KLF12: variants seen among roughly 807,000 people sequenced by gnomAD.
The protein encoded by KLF12 is KLF transcription factor 12.
KLF12 carries 9 observed loss-of-function variants against 37.8 expected under a neutral mutation model. The observed-to-expected ratio is 0.24, with a 90% CI of 0.14 to 0.42. KLF12 has a LOEUF of 0.42. Ranked by LOEUF, KLF12 falls within the 10% of genes least tolerant of loss-of-function variation. The pLI is 1.00. For missense variants in KLF12, 411 were observed against 516.0 expected (o/e 0.80, Z 1.97); for synonymous variants, 208 against 202.1 (o/e 1.03, Z -0.25).
At chr13:74,206,714 C>G in the KLF12 span, among the ~76,000 whole-genome samples, 1 of 152,172 alleles carries the variant, frequency 6.6e-6, no homozygotes, top group African/African-American at 2.4e-5. Flanking sequence ...TTGTCTTTCT[C>G]GCTGCGACAG....
At chr13:74,134,369 G>A (rs1351058987), upstream of KLF12, among the ~76,000 whole-genome samples, 2 of 151,726 alleles carry the variant, frequency 1.3e-5, no homozygotes, top group Non-Finnish European at 2.9e-5. Flanking sequence ...CCCCCGAGCC[G>A]CTCCGCCCGA....
intron 5 of KLF12, among the ~76,000 whole-genome samples, chr13:73,771,001 T>C (rs1245019282): frequency 6.6e-6 from 1 of 152,154 alleles, no homozygotes; most frequent in Non-Finnish European, 1.5e-5. Flanking sequence ...TTATAATGTA[T>C]TAATTAATCC....
At chr13:73,817,308 G>C (rs1242462885) in intron 4 of KLF12, among the ~76,000 whole-genome samples, 1 of 120,108 alleles carries the variant, frequency 8.3e-6, no homozygotes, top group African/African-American at 3.5e-5. Context: ...AACAGAGTGA[G>C]ATCCTGTTTC....
intron 6 of KLF12, among the ~76,000 whole-genome samples, chr13:73,719,793 G>C (rs1013071832): frequency 1.2e-4 from 18 of 152,022 alleles, no homozygotes; most frequent in African/African-American, 4.1e-4. Flanking sequence ...GTGGAGACGG[G>C]GTTTTGTTAT....
intron 6 of KLF12, among the ~76,000 whole-genome samples, chr13:73,749,518 G>A (rs1205604773): frequency 6.6e-6 from 1 of 152,172 alleles, no homozygotes; most frequent in Non-Finnish European, 1.5e-5. Flanking sequence ...AGCCCATCCA[G>A]GGGGTGATGC....
intron 1 of KLF12, among the ~76,000 whole-genome samples, chr13:74,037,203 C>CAAA (rs200460958): frequency 1.1e-4 from 8 of 69,734 alleles, no homozygotes; most frequent in Admixed American, 3.1e-4. Flanking sequence ...ACTCCGTCTC[C>CAAA]AAAAAAAAAA....
At chr13:74,073,852 T>C (rs936346099) in intron 1 of KLF12, among the ~76,000 whole-genome samples, 1 of 152,332 alleles carries the variant, frequency 6.6e-6, no homozygotes, top group Middle Eastern at 3.4e-3. Flanking sequence ...TGTCTCTAGT[T>C]ATCATTATGC....
At chr13:73,981,437 A>G (rs1369405860) in intron 2 of KLF12, among the ~76,000 whole-genome samples, 1 of 152,218 alleles carries the variant, frequency 6.6e-6, no homozygotes, top group East Asian at 1.9e-4. Flanking sequence ...TGTGGAAATA[A>G]ATAATCTTAC....
At chr13:73,735,452 TA>T (rs151326017) in intron 6 of KLF12, among the ~76,000 whole-genome samples, 1 of 152,220 alleles carries the variant, frequency 6.6e-6, no homozygotes, top group East Asian at 1.9e-4. Context: ...TGTCGCCCCC[TA>T]GGGGCTCTGG....
At chr13:73,957,841 G>A (rs1056267419) in intron 2 of KLF12, among the ~76,000 whole-genome samples, 4 of 152,160 alleles carry the variant, frequency 2.6e-5, no homozygotes, top group African/African-American at 9.7e-5. Flanking sequence ...AAAGAAACGA[G>A]GGAAGGGTGC....
intron 2 of KLF12, among the ~76,000 whole-genome samples, chr13:73,975,596 C>T (rs946907102): frequency 2.6e-5 from 4 of 152,138 alleles, no homozygotes; most frequent in Non-Finnish European, 4.4e-5. Context: ...ATGCAAATCT[C>T]ATCATCTCCA....
chr13:74,014,131 T>C (rs1303664107), intron 1 of KLF12, among the ~76,000 whole-genome samples: 1 of 152,188 alleles, frequency 6.6e-6, no homozygotes, highest in Non-Finnish European at 1.5e-5. Flanking sequence ...CTTCCACAAT[T>C]TGGAGTTCTT....
intron 7 of KLF12, among the ~76,000 whole-genome samples, chr13:73,712,335 T>C (rs1428235979): frequency 2.2e-5 from 2 of 89,956 alleles, no homozygotes; most frequent in Non-Finnish European, 4.0e-5. Flanking sequence ...CGAAACTCCA[T>C]GTCAAAAAAA....
chr13:74,201,208 C>A, the KLF12 span, among the ~76,000 whole-genome samples: 2 of 152,082 alleles, frequency 1.3e-5, no homozygotes, highest in African/African-American at 4.8e-5. Context: ...TCTAACATTT[C>A]TATCTTCTGC....
At chr13:74,170,963 C>G in the KLF12 span, among the ~76,000 whole-genome samples, 2 of 152,188 alleles carry the variant, frequency 1.3e-5, no homozygotes, top group East Asian at 1.9e-4. Flanking sequence ...TGTGCTTTCA[C>G]CATGTTGGCC....
At chr13:73,702,777 T>A (rs1372852143) in intron 7 of KLF12, among the ~76,000 whole-genome samples, 1 of 152,106 alleles carries the variant, frequency 6.6e-6, no homozygotes. Context: ...TATTTGCATA[T>A]GAGGAAAAAA....
chr13:74,152,745 A>G, the KLF12 span, among the ~76,000 whole-genome samples: 1 of 151,674 alleles, frequency 6.6e-6, no homozygotes, highest in Non-Finnish European at 1.5e-5. Context: ...AGCTGAGGAT[A>G]GTGGTGTGCA....
At chr13:73,841,326 T>C (rs1884722590) in intron 4 of KLF12, among the ~76,000 whole-genome samples, 1 of 152,186 alleles carries the variant, frequency 6.6e-6, no homozygotes, top group African/African-American at 2.4e-5. Flanking sequence ...TTGGCTTCCC[T>C]GGGCCACAAC....
intron 6 of KLF12, among the ~76,000 whole-genome samples, chr13:73,752,650 C>A (rs1366118302): frequency 2.0e-5 from 3 of 152,000 alleles, no homozygotes; most frequent in Non-Finnish European, 4.4e-5. Context: ...GGATACCATT[C>A]TAGTCGTGGC....
Sources: gnomAD v4.1 joint callset for allele counts (sites outside exome capture counted in the v4.1 genomes callset) on GRCh38, gnomAD v4.1.1 for gene constraint, MANE v1.5 for transcripts, NCBI Gene and HGNC (gene_info 2026-07-23, HGNC 2026-07-21) for gene names.